The following B4GALT5 variants were observed in gnomAD, a reference collection of about 807,000 sequenced individuals.
B4GALT5 encodes beta-1,4-galactosyltransferase 5, also known as UDP-Gal:beta-GlcNAc beta-1,4-galactosyltransferase 5.
A neutral mutation model predicts 45.0 loss-of-function variants in B4GALT5; 11 were observed. The ratio of observed to expected loss-of-function variants is 0.24; its 90% CI spans 0.15 to 0.40. The LOEUF (loss-of-function observed/expected upper bound fraction) is 0.40. Ranked by LOEUF, B4GALT5 falls within the 10% of genes least tolerant of loss-of-function variation. B4GALT5 has a pLI of 1.00. For synonymous variants in B4GALT5, 185 were observed against 182.9 expected (o/e 1.01, Z -0.09); for missense variants, 337 against 500.2 (o/e 0.67, Z 3.11).
At chr20:49,659,534 T>C (rs2085656868) in intron 1 of B4GALT5, among the ~76,000 whole-genome samples, 1 of 152,214 alleles carries the variant, frequency 6.6e-6, no homozygotes, top group Non-Finnish European at 1.5e-5. Flanking sequence ...AACCACATAG[T>C]ATTTTTTTTT....
At chr20:49,693,759 G>A (rs1209824656) in intron 1 of B4GALT5, among the ~76,000 whole-genome samples, 1 of 152,222 alleles carries the variant, frequency 6.6e-6, no homozygotes, top group Non-Finnish European at 1.5e-5. Flanking sequence ...GGCCCCAGAA[G>A]TTTAGAGAAC....
At chr20:49,667,710 C>T (rs1018874534) in intron 1 of B4GALT5, among the ~76,000 whole-genome samples, 1 of 152,146 alleles carries the variant, frequency 6.6e-6, no homozygotes, top group Non-Finnish European at 1.5e-5. Context: ...CCCGCATGGC[C>T]AATATTACCT....
chr20:49,676,823 A>C (rs2085739447), intron 1 of B4GALT5, among the ~76,000 whole-genome samples: 1 of 152,254 alleles, frequency 6.6e-6, no homozygotes, highest in Non-Finnish European at 1.5e-5. Context: ...TAAAAGAACA[A>C]GTCTAAATGG....
chr20:49,713,781 G>A lies in B4GALT5; in HGVS notation c.-91C>T. 1 of 252,320 alleles carries A rather than the reference G, an allele frequency of 4.0e-6. No individual in the cohort carries two copies. The highest frequency in any genetic ancestry group is 6.5e-6 in the Non-Finnish European group (1 of 153,150). The allele number at this position is 252,320 out of a possible 1,614,324, so 15.6% of individuals were successfully genotyped here. ...TCCTGGGCCGCCGCCGCCACCGCCTGGGCCTCGGCCACCGCCTCCCGGGCC... is the reference window on the plus strand; with the variant it reads ...TCCTGGGCCGCCGCCGCCACCGCCTAGGCCTCGGCCACCGCCTCCCGGGCC... On this transcript the variant is annotated 5_prime_UTR_variant, in exon 1 of 9. Coordinates refer to ENST00000371711, the MANE Select transcript of B4GALT5 (RefSeq NM_004776.4).
At chr20:49,637,486 A>G in intron 7 of B4GALT5, 44 bp from the exon 8 acceptor site, 1 of 1,454,394 alleles carries the variant, frequency 6.9e-7, no homozygotes, top group Non-Finnish European at 9.7e-7. Flanking sequence ...CAACGGTAAT[A>G]GCCCAGGAGT....
chr20:49,695,389 C>A (rs2085834878), intron 1 of B4GALT5, among the ~76,000 whole-genome samples: 1 of 151,178 alleles, frequency 6.6e-6, no homozygotes, highest in African/African-American at 2.4e-5. Flanking sequence ...GTGAAGTGAA[C>A]CTATCATGAC....
chr20:49,682,650 C>T (rs942762594), intron 1 of B4GALT5, among the ~76,000 whole-genome samples: 1 of 152,174 alleles, frequency 6.6e-6, no homozygotes, highest in Non-Finnish European at 1.5e-5. Context: ...TCTCTCTACT[C>T]CCTGCAAAGC....
chr20:49,710,356 G>T (rs1380842501), intron 1 of B4GALT5, among the ~76,000 whole-genome samples: 2 of 150,712 alleles, frequency 1.3e-5, no homozygotes, highest in African/African-American at 4.9e-5. Flanking sequence ...TGCAAAAACA[G>T]AAATTTCATA....
In B4GALT5 at chr20:49,704,759, G is replaced by A. The variant is rs6019983; in HGVS notation, c.115+8817C>T. On this transcript the variant is annotated intron_variant, in intron 1 of 8. Coordinates refer to ENST00000371711, the MANE Select transcript of B4GALT5 (RefSeq NM_004776.4). The stretch of plus-strand genomic sequence containing the variant: ...AAAAACAAAAAAAAACCACAACATT[G>A]CTGTCTTACAACCTACTCTTTCCGG... 2.8e-3 allele frequency among the ~76,000 whole-genome samples: 422 copies of A among 151,572 alleles called. 4 individuals carry two copies. The highest frequency in any genetic ancestry group is 9.7e-3 in the African/African-American group (399 of 41,286).
intron 7 of B4GALT5, 80 bp downstream of exon 7, chr20:49,639,598 C>T (rs888184741): frequency 2.8e-5 from 43 of 1,543,580 alleles, no homozygotes; most frequent in Non-Finnish European, 3.6e-5. Flanking sequence ...ACATGGCTTG[C>T]ATTATATTCC....
rs957854310 is a variant in B4GALT5, at chr20:49,680,025, C to T, written c.116-23323G>A. On this transcript the variant is annotated intron_variant, in intron 1 of 8. Coordinates refer to ENST00000371711, the MANE Select transcript of B4GALT5 (RefSeq NM_004776.4). ...TTCCAGAAGAAGAAAACTATTTTGACTTGATTGCTACCTTTAAACTGTCCC... is the reference window on the plus strand; with the variant it reads ...TTCCAGAAGAAGAAAACTATTTTGATTTGATTGCTACCTTTAAACTGTCCC... Among the ~76,000 whole-genome samples the T allele has an allele frequency of 6.6e-5, 10 of 152,272 alleles. No homozygotes were observed. The South Asian group carries it at 1.2e-3, about 19-fold the overall frequency.
intron 1 of B4GALT5, among the ~76,000 whole-genome samples, chr20:49,661,687 T>A (rs2085665513): frequency 1.3e-5 from 2 of 152,352 alleles, no homozygotes; most frequent in South Asian, 4.1e-4. Context: ...CTTCACTGTG[T>A]GCTTTTCAGG....
intron 2 of B4GALT5, among the ~76,000 whole-genome samples, chr20:49,648,654 T>TA (rs1332694597): frequency 1.3e-5 from 2 of 152,230 alleles, no homozygotes; most frequent in African/African-American, 4.8e-5. Flanking sequence ...CTCAAGGGTT[T>TA]ATAATTTAAA....
chr20:49,706,825 G>A (rs757705502), intron 1 of B4GALT5, among the ~76,000 whole-genome samples: 36 of 152,030 alleles, frequency 2.4e-4, no homozygotes, highest in Non-Finnish European at 3.2e-4. Context: ...CACTTCTTAC[G>A]TGCTAAGGTT....
intron 1 of B4GALT5, among the ~76,000 whole-genome samples, chr20:49,704,024 T>C (rs1182064955): frequency 6.6e-6 from 1 of 151,732 alleles, no homozygotes; most frequent in Non-Finnish European, 1.5e-5. Flanking sequence ...GAATAAAACA[T>C]TTTTTTCCTT....
At chr20:49,661,114 T>C (rs1255381900) in intron 1 of B4GALT5, among the ~76,000 whole-genome samples, 1 of 152,220 alleles carries the variant, frequency 6.6e-6, no homozygotes, top group Non-Finnish European at 1.5e-5. Flanking sequence ...TGAGTGTTTA[T>C]TTTAGATTAG....
intron 1 of B4GALT5, among the ~76,000 whole-genome samples, chr20:49,668,843 T>C (rs1333662333): frequency 1.3e-5 from 2 of 152,114 alleles, no homozygotes; most frequent in Middle Eastern, 3.4e-3. Context: ...TGTATGAACG[T>C]GCTTTTGTGA....
At chr20:49,684,530 T>C in intron 1 of B4GALT5, 1 of 512,246 alleles carries the variant, frequency 2.0e-6, no homozygotes, top group Non-Finnish European at 3.9e-6. Context: ...GCCACTGCAC[T>C]CCAGCCTGGG....
chr20:49,712,517 A>G (rs1273170653), intron 1 of B4GALT5, among the ~76,000 whole-genome samples: 2 of 152,118 alleles, frequency 1.3e-5, no homozygotes, highest in East Asian at 3.9e-4. Flanking sequence ...CCTTTAAAGG[A>G]TAAGACTTTG....
Sources: allele counts gnomAD v4.1 joint callset (sites outside exome capture counted in the v4.1 genomes callset), GRCh38; gene constraint gnomAD v4.1.1; transcripts MANE v1.5; gene names NCBI Gene and HGNC (gene_info 2026-07-23, HGNC 2026-07-21).